The following PAIP2B variants were observed in gnomAD, a reference collection of about 807,000 sequenced individuals.
PAIP2B encodes polyadenylate-binding protein-interacting protein 2B.
PAIP2B carries 13 observed loss-of-function variants against 17.0 expected under a neutral mutation model. The observed-to-expected ratio is 0.76, with a 90% CI of 0.50 to 1.22. The LOEUF (loss-of-function observed/expected upper bound fraction) is 1.22. PAIP2B is among the 50% of genes most tolerant of loss of function. The probability of loss-of-function intolerance (pLI) is 0.00; values close to 1 mark genes in which losing one functional copy is unlikely to be tolerated. For synonymous variants in PAIP2B, 43 were observed against 48.7 expected, an observed-to-expected ratio of 0.88 and a Z score of 0.48; for missense variants, 117 against 144.5, an observed-to-expected ratio of 0.81 and a Z score of 0.98.
chr2:71,219,833 A>G (rs1281952402), intron 1 of PAIP2B, among the ~76,000 whole-genome samples: 2 of 152,160 alleles, frequency 1.3e-5, no homozygotes, highest in Non-Finnish European at 2.9e-5. Context: ...TTGGTTTCTT[A>G]TTATCATTTC....
At chr2:71,207,784 C>A (rs1420874818) in intron 1 of PAIP2B, among the ~76,000 whole-genome samples, 2 of 152,050 alleles carry the variant, frequency 1.3e-5, no homozygotes, top group African/African-American at 4.8e-5. Context: ...TTGGCACAAG[C>A]AACTGGGTGG....
chr2:71,223,010 C>A (rs1033197083), intron 1 of PAIP2B, among the ~76,000 whole-genome samples: 12 of 152,230 alleles, frequency 7.9e-5, no homozygotes, highest in African/African-American at 2.7e-4. Context: ...ATAATTCCAA[C>A]CTGGGCCTTT....
At chr2:71,224,800 A>G (rs1374500801) in intron 1 of PAIP2B, among the ~76,000 whole-genome samples, 1 of 152,208 alleles carries the variant, frequency 6.6e-6, no homozygotes, top group Non-Finnish European at 1.5e-5. Context: ...GTCTCTAAGA[A>G]GAAATCATAG....
At chr2:71,195,556 A>T in intron 2 of PAIP2B, among the ~76,000 whole-genome samples, 1 of 152,286 alleles carries the variant, frequency 6.6e-6, no homozygotes, top group Non-Finnish European at 1.5e-5. Context: ...TGGGGTCAGT[A>T]GTAACATTCC....
intron 1 of PAIP2B, among the ~76,000 whole-genome samples, chr2:71,206,156 A>T (rs568542961): frequency 6.6e-6 from 1 of 152,230 alleles, no homozygotes; most frequent in Non-Finnish European, 1.5e-5. Context: ...AAACACTGGC[A>T]ATTAACTCTG....
At chr2:71,221,623 A>G (rs1446749181) in intron 1 of PAIP2B, among the ~76,000 whole-genome samples, 1 of 152,338 alleles carries the variant, frequency 6.6e-6, no homozygotes, top group African/African-American at 2.4e-5. Flanking sequence ...TTTATTAATA[A>G]TTATCTATGA....
chr2:71,198,537 G>A (rs1572925822), intron 2 of PAIP2B, among the ~76,000 whole-genome samples: 1 of 151,884 alleles, frequency 6.6e-6, no homozygotes, highest in Non-Finnish European at 1.5e-5. Context: ...CGCCCACCTC[G>A]GCCTCCCAAA....
intron 1 of PAIP2B, among the ~76,000 whole-genome samples, chr2:71,211,871 CA>C (rs1363848833): frequency 6.6e-6 from 1 of 152,154 alleles, no homozygotes; most frequent in African/African-American, 2.4e-5. Context: ...AAGGTAGAAT[CA>C]AAAGACTTGC....
rs889994922 is a variant in PAIP2B, at chr2:71,183,547, G to C, written c.*4932C>G. On this transcript the variant is annotated 3_prime_UTR_variant, in exon 4 of 4. Coordinates refer to ENST00000244221, the MANE Select transcript of PAIP2B (RefSeq NM_020459.1). Reference sequence around the variant, plus strand: ...AGGAAGTTGGAATCCAAGTTTAAAAGGCTCTCTGCTGACAAAATGTGGTAC... The same window carrying C: ...AGGAAGTTGGAATCCAAGTTTAAAACGCTCTCTGCTGACAAAATGTGGTAC... The C allele has an allele frequency of 6.9e-6, 1 of 143,962 alleles. No homozygotes were observed. The highest frequency in any genetic ancestry group is 2.6e-5 in the African/African-American group (1 of 38,228). 8.9% of individuals were successfully genotyped at this position (143,962 alleles called of 1,614,324 possible). A position where few individuals can be genotyped will look rare whatever the true frequency, so the allele number is the denominator to read the frequency against.
At chr2:71,222,549 T>C (rs1675614293) in intron 1 of PAIP2B, among the ~76,000 whole-genome samples, 1 of 152,216 alleles carries the variant, frequency 6.6e-6, no homozygotes, top group Non-Finnish European at 1.5e-5. Flanking sequence ...AAATTAATGT[T>C]CTGTGAAGTT....
intron 1 of PAIP2B, among the ~76,000 whole-genome samples, chr2:71,213,058 C>G (rs1675340991): frequency 6.6e-6 from 1 of 152,054 alleles, no homozygotes; most frequent in South Asian, 2.1e-4. Flanking sequence ...GCCTGGGGAG[C>G]AGTGGGGAAA....
intron 2 of PAIP2B, among the ~76,000 whole-genome samples, chr2:71,197,407 T>C (rs13339772): frequency 0.023 from 3,466 of 152,326 alleles, 56 homozygotes; most frequent in South Asian, 0.07. Flanking sequence ...AGGGATCTCT[T>C]TGTAGGTGAC....
intron 1 of PAIP2B, among the ~76,000 whole-genome samples, chr2:71,210,922 A>C (rs1675277709): frequency 6.6e-6 from 1 of 152,192 alleles, no homozygotes; most frequent in Non-Finnish European, 1.5e-5. Context: ...CCAAGAAAAC[A>C]AAACAGAAGC....
Position 71,226,981 on chromosome 2 carries a change from G to A in PAIP2B, c.-65C>T. Reference sequence around the variant, plus strand: ...ATCGTACTCTGCCACTCCTCCGAGAGCTTAAGCCGTTGCCGTAGAGGTCGC... The same window carrying A: ...ATCGTACTCTGCCACTCCTCCGAGAACTTAAGCCGTTGCCGTAGAGGTCGC... On this transcript the variant is annotated 5_prime_UTR_variant, in exon 1 of 4. Coordinates refer to ENST00000244221, the MANE Select transcript of PAIP2B (RefSeq NM_020459.1). 1 of 153,148 alleles carries A rather than the reference G, an allele frequency of 6.5e-6. No homozygotes were observed. 9.5% of individuals were successfully genotyped at this position (153,148 alleles called of 1,614,324 possible).
At chr2:71,213,544 G>T (rs1314448146) in intron 1 of PAIP2B, among the ~76,000 whole-genome samples, 2 of 152,136 alleles carry the variant, frequency 1.3e-5, no homozygotes, top group African/African-American at 2.4e-5. Flanking sequence ...AGAAAAAGTC[G>T]AGTCGTACAT....
chr2:71,224,875 CA>C (rs1262948400), intron 1 of PAIP2B, among the ~76,000 whole-genome samples: 1 of 152,158 alleles, frequency 6.6e-6, no homozygotes, highest in Non-Finnish European at 1.5e-5. Flanking sequence ...AAAGACTGCA[CA>C]AAAATAACTT....
chr2:71,189,189 T>C (rs1033624055), intron 3 of PAIP2B, among the ~76,000 whole-genome samples: 9 of 151,990 alleles, frequency 5.9e-5, no homozygotes, highest in Non-Finnish European at 1.2e-4. Flanking sequence ...ATTTTTGTAT[T>C]TTTTTAGTAG....
At chr2:71,201,446 C>T (rs1281789057) in intron 2 of PAIP2B, among the ~76,000 whole-genome samples, 1 of 150,432 alleles carries the variant, frequency 6.6e-6, no homozygotes, top group Non-Finnish European at 1.5e-5. Flanking sequence ...TGCAGTGGTG[C>T]GATTGGCTCA....
At chr2:71,198,487 G>A (rs188843142) in intron 2 of PAIP2B, among the ~76,000 whole-genome samples, 6,855 of 136,760 alleles carry the variant, frequency 0.05, 226 homozygotes, top group Non-Finnish European at 0.078. Flanking sequence ...GGGTTTCACC[G>A]TGTTAGCCAG....
Sources: allele counts gnomAD v4.1 joint callset (sites outside exome capture counted in the v4.1 genomes callset), GRCh38; gene constraint gnomAD v4.1.1; transcripts MANE v1.5; gene names NCBI Gene and HGNC (gene_info 2026-07-23, HGNC 2026-07-21).